The following NAV2 variants were observed in gnomAD, a reference collection of about 807,000 sequenced individuals.
NAV2 encodes the protein neuron navigator 2.
A neutral mutation model predicts 223.2 loss-of-function variants in NAV2; 54 were observed. The ratio of observed to expected loss-of-function variants is 0.24; its 90% CI spans 0.19 to 0.30. NAV2 has a LOEUF of 0.30. Among genes scored for constraint, NAV2 ranks in the 10% least tolerant of loss-of-function variants. The pLI is 1.00. For missense variants in NAV2, 2,806 were observed against 3,147.5 expected, an observed-to-expected ratio of 0.89 and a Z score of 2.60; for synonymous variants, 1,279 against 1,239.3, an observed-to-expected ratio of 1.03 and a Z score of -0.67.
intron 10 of NAV2, among the ~76,000 whole-genome samples, chr11:19,966,267 G>A (rs1428052702): frequency 1.3e-5 from 2 of 152,158 alleles, no homozygotes; most frequent in East Asian, 1.9e-4. Context: ...GGCGAATACA[G>A]TTCACAACAA....
At chr11:19,619,928 A>C (rs540520795) in intron 1 of NAV2, among the ~76,000 whole-genome samples, 3 of 152,228 alleles carry the variant, frequency 2.0e-5, no homozygotes, top group African/African-American at 7.2e-5. Context: ...ATCTTAAATT[A>C]ATTTTTGTAT....
At chr11:19,494,374 ATTC>A (rs2134099771) in intron 1 of NAV2, among the ~76,000 whole-genome samples, 1 of 152,324 alleles carries the variant, frequency 6.6e-6, no homozygotes, top group East Asian at 1.9e-4. Context: ...GCCCCAAATC[ATTC>A]TTCTTTGAGC....
At chr11:19,364,349 C>T (rs1217895777) in intron 1 of NAV2, among the ~76,000 whole-genome samples, 1 of 152,190 alleles carries the variant, frequency 6.6e-6, no homozygotes, top group East Asian at 1.9e-4. Context: ...AGCTGGTTCT[C>T]TTATCTGCTC....
In NAV2 at chr11:20,101,183, C is replaced by A; in HGVS notation, c.6417+11C>A. On this transcript the variant is annotated intron_variant, in intron 32 of 37. Transcript: ENST00000349880. The stretch of plus-strand genomic sequence containing the variant: ...CATAAGTCCAGCAAGGTGAGGAGGT[C>A]ATTCTGAGTCTGCTGTATTTTTTGG... 6.3e-7 allele frequency: 1 copy of A among 1,597,898 alleles called. No homozygotes were observed. The highest frequency in any genetic ancestry group is 8.6e-7 in the Non-Finnish European group (1 of 1,166,562).
chr11:19,620,733 C>T (rs1354610331), intron 1 of NAV2, among the ~76,000 whole-genome samples: 1 of 152,256 alleles, frequency 6.6e-6, no homozygotes, highest in Middle Eastern at 3.4e-3. Context: ...TCCTCTTTTC[C>T]TAATTGAATA....
At chr11:19,733,855 T>C (rs1363209258) in intron 1 of NAV2, among the ~76,000 whole-genome samples, 2 of 152,152 alleles carry the variant, frequency 1.3e-5, no homozygotes, top group African/African-American at 4.8e-5. Context: ...CTGATGGTGG[T>C]AGTTGTGATA....
chr11:19,948,469 G>T (rs1429065907), intron 9 of NAV2, among the ~76,000 whole-genome samples: 1 of 152,106 alleles, frequency 6.6e-6, no homozygotes, highest in Non-Finnish European at 1.5e-5. Context: ...CCATGTTTTA[G>T]CAGGGAAAGT....
At chr11:19,447,820 C>T (rs7121113) in intron 1 of NAV2, among the ~76,000 whole-genome samples, 49,073 of 152,018 alleles carry the variant, frequency 0.32, 8,600 homozygotes, top group Middle Eastern at 0.41. Flanking sequence ...TTAGCCTTGA[C>T]GTTCCATCAG....
At chr11:19,467,624 C>T (rs1445584233) in intron 1 of NAV2, among the ~76,000 whole-genome samples, 4 of 152,082 alleles carry the variant, frequency 2.6e-5, no homozygotes, top group Non-Finnish European at 2.9e-5. Flanking sequence ...CAAAAACATC[C>T]GGGAAGTGTT....
At chr11:19,826,736 T>C (rs1007756124) in intron 1 of NAV2, among the ~76,000 whole-genome samples, 1 of 152,240 alleles carries the variant, frequency 6.6e-6, no homozygotes, top group Non-Finnish European at 1.5e-5. Context: ...GCCTGAGCTA[T>C]GGAGTGATTT....
intron 6 of NAV2, among the ~76,000 whole-genome samples, chr11:19,896,106 T>G (rs1054455780): frequency 6.6e-6 from 1 of 152,206 alleles, no homozygotes; most frequent in Non-Finnish European, 1.5e-5. Context: ...TGAGTCAGAC[T>G]CTGACTGTGT....
intron 6 of NAV2, among the ~76,000 whole-genome samples, chr11:19,893,342 A>T (rs1377614352): frequency 6.6e-6 from 1 of 152,116 alleles, no homozygotes; most frequent in Admixed American, 6.5e-5. Flanking sequence ...CATTCCTTCT[A>T]GGCAAAGTAG....
At chr11:19,662,119 C>A (rs910403129) in intron 1 of NAV2, among the ~76,000 whole-genome samples, 2 of 152,100 alleles carry the variant, frequency 1.3e-5, no homozygotes, top group Admixed American at 6.6e-5. Context: ...CACTTAAATT[C>A]TTTTTAAAAA....
intron 12 of NAV2, among the ~76,000 whole-genome samples, chr11:20,037,924 A>C (rs1424154609): frequency 7.4e-4 from 2 of 2,686 alleles, no homozygotes; most frequent in Non-Finnish European, 0.026. Flanking sequence ...GAACCAAGGA[A>C]TTGCTCACCC....
intron 1 of NAV2, among the ~76,000 whole-genome samples, chr11:19,558,000 C>T (rs985498036): frequency 3.9e-5 from 6 of 152,150 alleles, no homozygotes; most frequent in African/African-American, 1.4e-4. Context: ...TTTAATAACT[C>T]TGAGAGGTAC....
chr11:19,455,994 C>T (rs1218834485), intron 1 of NAV2, among the ~76,000 whole-genome samples: 2 of 152,152 alleles, frequency 1.3e-5, no homozygotes, highest in East Asian at 3.9e-4. Flanking sequence ...TGGGGCCAGC[C>T]CTGCAGAGGG....
rs538744573 is a variant in NAV2 at position 20,107,785 on chromosome 11, G to A, written c.6960+3G>A. On this transcript the variant is annotated splice_donor_region_variant and intron_variant, in intron 36 of 37. Transcript: ENST00000349880. ...AAGCCGTCAGAGAAGGACTCCAGGT[G>A]AGAAGACACCCCTGCTGGCTTCCTT... is the stretch of plus-strand genomic sequence containing the variant. 42 of 1,595,836 alleles carry A rather than the reference G, an allele frequency of 2.6e-5. No individual in the cohort carries two copies. The highest frequency in any genetic ancestry group is 3.5e-5 in the Non-Finnish European group (41 of 1,163,424).
chr11:19,420,315 G>T (rs1850556758), intron 1 of NAV2, among the ~76,000 whole-genome samples: 1 of 152,178 alleles, frequency 6.6e-6, no homozygotes, highest in Admixed American at 6.5e-5. Context: ...ACAACTGAAA[G>T]TTGCACACAC....
At chr11:20,058,030 T>G (rs1342308351) in intron 19 of NAV2, among the ~76,000 whole-genome samples, 1 of 152,266 alleles carries the variant, frequency 6.6e-6, no homozygotes, top group East Asian at 1.9e-4. Context: ...TATCATCTTT[T>G]GGAAAATATG....
Sources: allele counts gnomAD v4.1 joint callset (sites outside exome capture counted in the v4.1 genomes callset), GRCh38; gene constraint gnomAD v4.1.1; transcripts MANE v1.5; gene names NCBI Gene and HGNC (gene_info 2026-07-23, HGNC 2026-07-21).